The following OSBPL6 variants were observed in gnomAD, a reference collection of about 807,000 sequenced individuals.
OSBPL6 encodes oxysterol-binding protein-related protein 6.
Under a neutral mutation model 125.8 loss-of-function variants are expected in OSBPL6, and 49 were observed. The observed-to-expected ratio is 0.39, with a 90% CI of 0.31 to 0.49. The LOEUF (loss-of-function observed/expected upper bound fraction) is 0.49. Among genes scored for constraint, OSBPL6 ranks in the 20% least tolerant of loss-of-function variants. The pLI, the probability that OSBPL6 is intolerant of heterozygous loss-of-function variation, is 0.88. For synonymous variants in OSBPL6, 394 were observed against 391.8 expected (o/e 1.01, Z -0.07); for missense variants, 986 against 1,135.4 (o/e 0.87, Z 1.89).
chr2:178,392,378 T>C (rs778325666), intron 22 of OSBPL6, 34 bp from the exon 23 acceptor site: 1 of 1,611,336 alleles, frequency 6.2e-7, no homozygotes, highest in South Asian at 1.1e-5. Flanking sequence ...ATAAACCTTC[T>C]GCCTCTCACA....
Position 178,383,057 on chromosome 2 carries a change from G to T in OSBPL6, c.1655G>T (p.Arg552Leu), listed in dbSNP as rs377158599. 3 of 1,614,180 alleles carry T rather than the reference G, an allele frequency of 1.9e-6. No individual in the cohort carries two copies. The highest frequency in any genetic ancestry group is 1.7e-6 in the Non-Finnish European group (2 of 1,180,026). The change falls in exon 17 of 25, where the codon CGA becomes CTA. Residue 552 changes from arginine (R) to leucine (L), a missense_variant. This residue lies in a region of OSBPL6 where 843 missense variants were observed against 997.3 expected (regional missense o/e 0.85). Coordinates refer to ENST00000190611, the MANE Select transcript of OSBPL6 (RefSeq NM_032523.4). ...LNGELTGGAFRNGRRACLPAP... is the reference protein window; with the variant it reads ...LNGELTGGAFLNGRRACLPAP... The stretch of plus-strand genomic sequence containing the variant: ...GGGGAGCTTACAGGAGGGGCCTTCC[G>T]AAATGGGCGTCGAGCATGCCTGCCA...
chr2:178,265,046 A>C (rs537242709), intron 1 of OSBPL6, among the ~76,000 whole-genome samples: 23 of 142,510 alleles, frequency 1.6e-4, no homozygotes, highest in African/African-American at 5.5e-4. Flanking sequence ...TTTTTTTTTC[A>C]CTTTTTTTTT....
At chr2:178,340,656 G>T (rs2154082528) in intron 11 of OSBPL6, among the ~76,000 whole-genome samples, 2 of 152,104 alleles carry the variant, frequency 1.3e-5, no homozygotes, top group South Asian at 2.1e-4. Flanking sequence ...TAGACTTTAT[G>T]ATTTGACTTT....
In OSBPL6 at chr2:178,213,129, T is replaced by G. The variant is rs114875895; in HGVS notation, c.-351+18455T>G. 2.8e-3 allele frequency among the ~76,000 whole-genome samples: 431 copies of G among 152,168 alleles called. 4 individuals carry two copies. The highest frequency in any genetic ancestry group is 0.01 in the African/African-American group (420 of 41,518). On this transcript the variant is annotated intron_variant, in intron 1 of 24. Transcript: ENST00000190611. ...GCCGAGCACGGACCCTCTTGATTGCTCCTCTTTAGATACTTTTGGAAGCTC... is the reference window on the plus strand; with the variant it reads ...GCCGAGCACGGACCCTCTTGATTGCGCCTCTTTAGATACTTTTGGAAGCTC...
At chr2:178,247,006 G>GT (rs2091515063) in intron 1 of OSBPL6, among the ~76,000 whole-genome samples, 1 of 89,974 alleles carries the variant, frequency 1.1e-5, no homozygotes, top group Non-Finnish European at 2.1e-5. Flanking sequence ...CCTGTAACCT[G>GT]CCCCTCCCCA....
At chr2:178,282,680 T>C (rs1684318070) in intron 1 of OSBPL6, among the ~76,000 whole-genome samples, 1 of 152,192 alleles carries the variant, frequency 6.6e-6, no homozygotes, top group African/African-American at 2.4e-5. Flanking sequence ...AGACAGAGTT[T>C]CGCTCTTGTT....
intron 14 of OSBPL6, among the ~76,000 whole-genome samples, chr2:178,373,654 T>C (rs1241984832): frequency 1.3e-5 from 2 of 152,232 alleles, no homozygotes; most frequent in African/African-American, 4.8e-5. Flanking sequence ...TATCAATCAA[T>C]CAAAGATTTA....
chr2:178,344,247 G>T (rs12464380), intron 11 of OSBPL6: 2 of 1,541,344 alleles, frequency 1.3e-6, no homozygotes, highest in Non-Finnish European at 1.8e-6. Context: ...TTCCTCCCCC[G>T]TCCTGTGTTT....
intron 12 of OSBPL6, among the ~76,000 whole-genome samples, chr2:178,361,232 A>G (rs1270256259): frequency 6.6e-6 from 1 of 152,208 alleles, no homozygotes; most frequent in Admixed American, 6.5e-5. Flanking sequence ...AATGCATAAA[A>G]TGCTCTTTTT....
chr2:178,232,907 C>G (rs2090895717), intron 1 of OSBPL6, among the ~76,000 whole-genome samples: 1 of 152,154 alleles, frequency 6.6e-6, no homozygotes, highest in Admixed American at 6.5e-5. Context: ...GAACTCCTGT[C>G]TCTGAGAAAC....
intron 1 of OSBPL6, among the ~76,000 whole-genome samples, chr2:178,254,947 C>T (rs1292211833): frequency 6.6e-6 from 1 of 152,166 alleles, no homozygotes; most frequent in Non-Finnish European, 1.5e-5. Context: ...GCTGGGGAGG[C>T]CTCACAATCA....
intron 15 of OSBPL6, among the ~76,000 whole-genome samples, chr2:178,375,227 G>C (rs960452840): frequency 6.6e-6 from 1 of 152,110 alleles, no homozygotes; most frequent in African/African-American, 2.4e-5. Context: ...CAGAATGTTA[G>C]AGCTCCATAC....
chr2:178,375,401 TTTGTTG>T (rs35703363), intron 15 of OSBPL6, among the ~76,000 whole-genome samples: 2 of 152,010 alleles, frequency 1.3e-5, no homozygotes, highest in African/African-American at 4.8e-5. Context: ...TCCTTCTTTT[TTTGTTG>T]TTGTTGTTTT....
chr2:178,270,852 C>A (rs1000989646), intron 1 of OSBPL6, among the ~76,000 whole-genome samples: 8 of 152,288 alleles, frequency 5.3e-5, no homozygotes, highest in African/African-American at 1.9e-4. Flanking sequence ...GAACACCTTA[C>A]CTGTAATCTC....
chr2:178,282,496 C>T (rs965537601), intron 1 of OSBPL6, among the ~76,000 whole-genome samples: 7 of 152,110 alleles, frequency 4.6e-5, no homozygotes, highest in Non-Finnish European at 8.8e-5. Context: ...GACAGAGGAA[C>T]GGGGGTGAAT....
chr2:178,321,632 C>G (rs1392668882), intron 3 of OSBPL6, among the ~76,000 whole-genome samples: 1 of 152,074 alleles, frequency 6.6e-6, no homozygotes, highest in Non-Finnish European at 1.5e-5. Context: ...TCATTGTCAT[C>G]CTGGAGGTTA....
At chr2:178,216,681 G>A (rs1418193943) in intron 1 of OSBPL6, among the ~76,000 whole-genome samples, 1 of 152,178 alleles carries the variant, frequency 6.6e-6, no homozygotes, top group Admixed American at 6.5e-5. Flanking sequence ...CAGGATATTG[G>A]CATAGTCTCA....
intron 16 of OSBPL6, 61 bp from the exon 17 acceptor site, chr2:178,382,963 T>G: frequency 1.3e-6 from 2 of 1,577,482 alleles, no homozygotes; most frequent in African/African-American, 2.7e-5. Flanking sequence ...GTTATTTCCC[T>G]TCTTGATTTT....
intron 23 of OSBPL6, among the ~76,000 whole-genome samples, chr2:178,394,107 G>A (rs1054173577): frequency 1.3e-5 from 2 of 152,252 alleles, no homozygotes; most frequent in Non-Finnish European, 1.5e-5. Flanking sequence ...CATGTACATA[G>A]AAAATATGTA....
Sources: allele counts gnomAD v4.1 joint callset (sites outside exome capture counted in the v4.1 genomes callset), GRCh38; gene constraint gnomAD v4.1.1; regional missense constraint gnomAD v4.1.1; transcripts MANE v1.5; gene names NCBI Gene and HGNC (gene_info 2026-07-23, HGNC 2026-07-21).